Variants in SORCS3 observed in about 807,000 individuals in gnomAD.
The protein encoded by SORCS3 is VPS10 domain-containing receptor SorCS3.
In SORCS3, 57 loss-of-function variants were observed where a neutral mutation model predicts 146.3. The observed-to-expected ratio is 0.39, with a 90% CI of 0.31 to 0.49. The LOEUF (loss-of-function observed/expected upper bound fraction) is 0.49, where lower values mean the gene tolerates loss of function less well. SORCS3 is among the 20% of genes least tolerant of loss of function. The probability of loss-of-function intolerance (pLI) is 0.92; values close to 1 mark genes in which losing one functional copy is unlikely to be tolerated. For missense variants in SORCS3, 1,341 were observed against 1,575.5 expected (o/e 0.85, Z 2.52); for synonymous variants, 653 against 618.5 (o/e 1.06, Z -0.83).
chr10:104,841,977 C>G (rs192030998), intron 1 of SORCS3, among the ~76,000 whole-genome samples: 1 of 152,140 alleles, frequency 6.6e-6, no homozygotes. Flanking sequence ...AGCCACTGCC[C>G]GGATGCATGA....
intron 11 of SORCS3, among the ~76,000 whole-genome samples, chr10:105,162,532 A>T (rs1400415450): frequency 6.6e-6 from 1 of 151,700 alleles, no homozygotes; most frequent in Non-Finnish European, 1.5e-5. Flanking sequence ...TCAAAGATCA[A>T]CTCCTCCTGG....
intron 4 of SORCS3, among the ~76,000 whole-genome samples, chr10:104,995,144 T>G (rs1439252597): frequency 2.0e-5 from 3 of 151,308 alleles, no homozygotes. Flanking sequence ...CTTTTTCTTT[T>G]CTTTTCTTTC....
At chr10:105,136,276 C>A (rs2056058492) in intron 7 of SORCS3, among the ~76,000 whole-genome samples, 1 of 152,158 alleles carries the variant, frequency 6.6e-6, no homozygotes, top group African/African-American at 2.4e-5. Flanking sequence ...GCCTTGAACA[C>A]TGTGTCCTCA....
intron 20 of SORCS3, among the ~76,000 whole-genome samples, chr10:105,242,877 AAATTATATATAATATATG>A: frequency 4.6e-5 from 5 of 108,530 alleles, no homozygotes; most frequent in Admixed American, 1.3e-4. Context: ...TTTTATATAT[AAATTATATATAATATATG>A]ATATATAAAT....
intron 1 of SORCS3, among the ~76,000 whole-genome samples, chr10:104,759,049 T>C (rs1426229831): frequency 2.0e-5 from 3 of 152,144 alleles, no homozygotes; most frequent in Admixed American, 2.0e-4. Context: ...TAAGAGAATG[T>C]CATGCTGGAG....
intron 1 of SORCS3, among the ~76,000 whole-genome samples, chr10:104,736,285 C>G (rs974049126): frequency 6.6e-6 from 1 of 152,078 alleles, no homozygotes; most frequent in East Asian, 1.9e-4. Flanking sequence ...CAGGAGGCCA[C>G]GGCGGGGCGG....
At chr10:104,647,069 A>G (rs2015504323) in intron 1 of SORCS3, among the ~76,000 whole-genome samples, 1 of 152,200 alleles carries the variant, frequency 6.6e-6, no homozygotes, top group African/African-American at 2.4e-5. Context: ...TGGGATAGCA[A>G]TGATTTCAGA....
At chr10:104,782,981 A>C (rs2017392214) in intron 1 of SORCS3, among the ~76,000 whole-genome samples, 1 of 152,252 alleles carries the variant, frequency 6.6e-6, no homozygotes, top group South Asian at 2.1e-4. Flanking sequence ...AAACAAGTTT[A>C]AAAAACAAGA....
intron 1 of SORCS3, among the ~76,000 whole-genome samples, chr10:104,736,293 C>T (rs538743717): frequency 2.6e-5 from 4 of 152,124 alleles, no homozygotes; most frequent in South Asian, 4.2e-4. Context: ...CACGGCGGGG[C>T]GGGTTGAGGG....
In SORCS3 at chr10:105,252,858, C is replaced by G. The variant is rs761791186; in HGVS notation, c.3189C>G (p.Pro1063=). The change falls in exon 23 of 27, where the codon CCC becomes CCG. Residue 1063 remains proline, a synonymous_variant. Coordinates refer to ENST00000369701, the MANE Select transcript of SORCS3 (RefSeq NM_014978.3). ...CAGCAGAGCTTTTCATTCTTCCACC[C>G]AAGAACCTGACAGAGAGGAGGAAAG... ...PTSAELFILP[P]KNLTERRKGN... 2.5e-6 allele frequency: 4 copies of G among 1,613,996 alleles called. No homozygotes were observed. The South Asian group carries it at 4.4e-5, about 18-fold the overall frequency.
chr10:105,220,320 T>C (rs2056693178), intron 19 of SORCS3, among the ~76,000 whole-genome samples: 1 of 152,202 alleles, frequency 6.6e-6, no homozygotes, highest in African/African-American at 2.4e-5. Context: ...CCATGAGTGA[T>C]GGTCTTTCAA....
intron 5 of SORCS3, among the ~76,000 whole-genome samples, chr10:105,060,861 C>G (rs188114759): frequency 6.6e-6 from 1 of 151,678 alleles, no homozygotes; most frequent in Non-Finnish European, 1.5e-5. Context: ...CCCTTCAACC[C>G]GGGAGGCGGA....
At chr10:104,723,872 T>C (rs1044433296) in intron 1 of SORCS3, among the ~76,000 whole-genome samples, 2 of 152,360 alleles carry the variant, frequency 1.3e-5, no homozygotes, top group East Asian at 3.9e-4. Context: ...TGTGTGTCTC[T>C]GCACGTGAGA....
At chr10:104,728,137 A>G (rs941589941) in intron 1 of SORCS3, among the ~76,000 whole-genome samples, 1 of 151,020 alleles carries the variant, frequency 6.6e-6, no homozygotes, top group South Asian at 2.1e-4. Flanking sequence ...TTCTTTTTTA[A>G]CCAATCCACC....
chr10:105,022,389 C>T (rs561270126), intron 4 of SORCS3, among the ~76,000 whole-genome samples: 142 of 151,446 alleles, frequency 9.4e-4, no homozygotes, highest in Non-Finnish European at 1.4e-3. Context: ...CCTCTGCCCC[C>T]TAGGTTCAAG....
chr10:105,163,878 G>GCGCACA (rs2056288042), intron 11 of SORCS3, among the ~76,000 whole-genome samples: 1 of 112,418 alleles, frequency 8.9e-6, no homozygotes, highest in African/African-American at 3.8e-5. Flanking sequence ...ACACAGTTAC[G>GCGCACA]CACATACACA....
intron 3 of SORCS3, among the ~76,000 whole-genome samples, chr10:104,943,165 T>C (rs2019337339): frequency 6.6e-6 from 1 of 152,196 alleles, no homozygotes. Context: ...AGTTTTGCTC[T>C]GTTGCCCAGG....
chr10:105,131,876 A>G (rs1020276600), intron 7 of SORCS3, among the ~76,000 whole-genome samples: 19 of 152,116 alleles, frequency 1.2e-4, no homozygotes, highest in Admixed American at 5.9e-4. Flanking sequence ...GTACTAAACC[A>G]TTCATGAGAC....
chr10:104,688,974 G>A (rs971701125), intron 1 of SORCS3, among the ~76,000 whole-genome samples: 6 of 152,178 alleles, frequency 3.9e-5, no homozygotes, highest in Non-Finnish European at 8.8e-5. Flanking sequence ...CCACCCAGAA[G>A]TGCCTGAGGT....
Sources: allele counts gnomAD v4.1 joint callset (sites outside exome capture counted in the v4.1 genomes callset), GRCh38; gene constraint gnomAD v4.1.1; transcripts MANE v1.5; gene names NCBI Gene and HGNC (gene_info 2026-07-23, HGNC 2026-07-21).